Variants in SPAG16 observed in about 807,000 individuals in gnomAD.
SPAG16 encodes sperm associated antigen 16.
In SPAG16, 86 loss-of-function variants were observed where a neutral mutation model predicts 80.4. The observed-to-expected ratio is 1.07, with a 90% CI of 0.90 to 1.28. SPAG16 has a LOEUF of 1.28. SPAG16 is among the 50% of genes most tolerant of loss of function. The pLI, the probability that SPAG16 is intolerant of heterozygous loss-of-function variation, is 0.00. For synonymous variants in SPAG16, 294 were observed against 265.9 expected (o/e 1.11, Z -1.03); for missense variants, 870 against 765.3 (o/e 1.14, Z -1.61).
chr2:213,371,286 TC>T (rs1424183023), intron 8 of SPAG16, among the ~76,000 whole-genome samples: 2 of 149,174 alleles, frequency 1.3e-5, no homozygotes, highest in African/African-American at 5.0e-5. Flanking sequence ...GTGCCTGTAA[TC>T]CCAGCTACTT....
intron 15 of SPAG16, among the ~76,000 whole-genome samples, chr2:214,251,431 T>C (rs1246229687): frequency 6.6e-6 from 1 of 152,096 alleles, no homozygotes; most frequent in African/African-American, 2.4e-5. Context: ...TGAATATTTC[T>C]TAAAAATCTT....
intron 10 of SPAG16, among the ~76,000 whole-genome samples, chr2:213,815,090 C>T (rs2072438649): frequency 6.6e-6 from 1 of 152,042 alleles, no homozygotes; most frequent in African/African-American, 2.4e-5. Context: ...TACACTCCAA[C>T]CTACAATAAC....
At chr2:213,435,461 G>A (rs530304791) in intron 9 of SPAG16, among the ~76,000 whole-genome samples, 5 of 152,212 alleles carry the variant, frequency 3.3e-5, no homozygotes, top group African/African-American at 1.2e-4. Context: ...TACTGGTTAC[G>A]CTGAAAGGCC....
chr2:214,207,630 G>T (rs1257206450), intron 15 of SPAG16, among the ~76,000 whole-genome samples: 1 of 152,066 alleles, frequency 6.6e-6, no homozygotes, highest in Non-Finnish European at 1.5e-5. Flanking sequence ...CAGCTTGATT[G>T]CATGGAAGGA....
chr2:213,366,259 C>T (rs1490519077), intron 8 of SPAG16, among the ~76,000 whole-genome samples: 1 of 150,940 alleles, frequency 6.6e-6, no homozygotes, highest in Non-Finnish European at 1.5e-5. Flanking sequence ...AATACTTAAA[C>T]AAATGATGGC....
Position 214,072,632 on chromosome 2 carries a change from T to C in SPAG16, c.1528-35564T>C, listed in dbSNP as rs1407808340. 2.6e-5 allele frequency among the ~76,000 whole-genome samples: 4 copies of C among 152,238 alleles called. No individual in the cohort carries two copies. In the East Asian group the frequency reaches 7.7e-4, roughly 29 times the overall value. On this transcript the variant is annotated intron_variant, in intron 13 of 15. Transcript: ENST00000331683. ...GAGTTTGAAGATAGAAATGTAGGTG[T>C]TTGATAAAAATTTAGGTAACAGAAA...
chr2:214,272,425 C>A (rs1692102660), intron 15 of SPAG16, among the ~76,000 whole-genome samples: 5 of 152,054 alleles, frequency 3.3e-5, no homozygotes, highest in Admixed American at 2.0e-4. Flanking sequence ...AGGTATTTGT[C>A]CTAATGCTAT....
At chr2:213,596,672 G>A (rs1000863605) in intron 10 of SPAG16, among the ~76,000 whole-genome samples, 1 of 152,140 alleles carries the variant, frequency 6.6e-6, no homozygotes, top group African/African-American at 2.4e-5. Flanking sequence ...TAATCCTAGT[G>A]GGTTGTTTGG....
intron 15 of SPAG16, among the ~76,000 whole-genome samples, chr2:214,394,802 C>T (rs1184028488): frequency 6.6e-6 from 1 of 152,112 alleles, no homozygotes; most frequent in African/African-American, 2.4e-5. Context: ...GTATATCCAT[C>T]ATGATACTAT....
At chr2:213,862,066 A>G (rs1485114766) in intron 10 of SPAG16, among the ~76,000 whole-genome samples, 1 of 152,180 alleles carries the variant, frequency 6.6e-6, no homozygotes, top group Admixed American at 6.5e-5. Flanking sequence ...ATAATGGCTG[A>G]TTTAAGACAT....
intron 15 of SPAG16, among the ~76,000 whole-genome samples, chr2:214,262,031 G>A (rs927137058): frequency 4.6e-5 from 7 of 151,978 alleles, no homozygotes; most frequent in African/African-American, 1.7e-4. Context: ...AGACCTTACA[G>A]TTTAATATCT....
intron 9 of SPAG16, among the ~76,000 whole-genome samples, chr2:213,427,797 G>C (rs2070032507): frequency 6.6e-6 from 1 of 152,170 alleles, no homozygotes; most frequent in Non-Finnish European, 1.5e-5. Flanking sequence ...TCAAAACTGA[G>C]CATCTTATCT....
chr2:213,742,439 T>C (rs1053215817), intron 10 of SPAG16, among the ~76,000 whole-genome samples: 3 of 152,174 alleles, frequency 2.0e-5, no homozygotes, highest in African/African-American at 7.2e-5. Flanking sequence ...CAATTACTAG[T>C]TTATAAATTT....
chr2:213,733,838 G>A (rs2067170565), intron 10 of SPAG16, among the ~76,000 whole-genome samples: 1 of 152,104 alleles, frequency 6.6e-6, no homozygotes, highest in African/African-American at 2.4e-5. Context: ...TTTTTAGTTT[G>A]TTCAACTTTT....
chr2:213,292,690 A>AAAAAAAAAAC (rs2062339852), intron 1 of SPAG16, among the ~76,000 whole-genome samples: 1 of 139,298 alleles, frequency 7.2e-6, no homozygotes, highest in African/African-American at 2.8e-5. Context: ...AAAAACAAAA[A>AAAAAAAAAAC]AAAACAAAAC....
intron 15 of SPAG16, among the ~76,000 whole-genome samples, chr2:214,394,432 T>C (rs1008347382): frequency 6.6e-6 from 1 of 151,594 alleles, no homozygotes; most frequent in African/African-American, 2.4e-5. Flanking sequence ...TCTGATTATG[T>C]AATTGAGTAA....
At chr2:213,862,381 C>T (rs1453296194) in intron 10 of SPAG16, 104 bp from the exon 11 acceptor site, 12 of 1,443,542 alleles carry the variant, frequency 8.3e-6, no homozygotes, top group Non-Finnish European at 1.1e-5. Context: ...TCAAAACTAT[C>T]CTGCCTTGCT....
chr2:213,734,463 G>A (rs1054376247), intron 10 of SPAG16, among the ~76,000 whole-genome samples: 1 of 152,086 alleles, frequency 6.6e-6, no homozygotes, highest in Non-Finnish European at 1.5e-5. Flanking sequence ...TCCAAAATAA[G>A]ATAAAACTTT....
chr2:214,038,607 A>G (rs1417378830), intron 13 of SPAG16, among the ~76,000 whole-genome samples: 1 of 151,950 alleles, frequency 6.6e-6, no homozygotes, highest in Non-Finnish European at 1.5e-5. Flanking sequence ...TTAGTTACAT[A>G]TATATACATG....
Sources: allele counts gnomAD v4.1 joint callset (sites outside exome capture counted in the v4.1 genomes callset), GRCh38; gene constraint gnomAD v4.1.1; transcripts MANE v1.5; gene names NCBI Gene and HGNC (gene_info 2026-07-23, HGNC 2026-07-21).